Variants in SPAG9 observed in about 807,000 individuals in gnomAD.
SPAG9 encodes C-Jun-amino-terminal kinase-interacting protein 4.
Under a neutral mutation model 166.5 loss-of-function variants are expected in SPAG9, and 35 were observed. The observed-to-expected ratio is 0.21, with a 90% CI of 0.16 to 0.28. The LOEUF is 0.28. Among genes scored for constraint, SPAG9 ranks in the 10% least tolerant of loss-of-function variants. The pLI is 1.00. For synonymous variants in SPAG9, 534 were observed against 565.5 expected (o/e 0.94, Z 0.79); for missense variants, 1,235 against 1,603.3 (o/e 0.77, Z 3.92).
intron 1 of SPAG9, among the ~76,000 whole-genome samples, chr17:51,115,727 G>A (rs964605065): frequency 2.0e-5 from 3 of 152,028 alleles, no homozygotes; most frequent in African/African-American, 7.2e-5. Context: ...CTACTTGAGA[G>A]GCTGAGGCAG....
chr17:51,115,767 T>G (rs934070313), intron 1 of SPAG9, among the ~76,000 whole-genome samples: 1 of 151,636 alleles, frequency 6.6e-6, no homozygotes, highest in Non-Finnish European at 1.5e-5. Flanking sequence ...GAGGCGAAGG[T>G]TGCAGTGAGC....
intron 4 of SPAG9, among the ~76,000 whole-genome samples, chr17:51,044,098 A>G (rs2046937355): frequency 6.6e-6 from 1 of 152,184 alleles, no homozygotes; most frequent in African/African-American, 2.4e-5. Context: ...CTAGGTTACA[A>G]TGTTCCAACT....
In SPAG9 at chr17:51,037,857, G is replaced by A. The variant is rs145395952; in HGVS notation, c.741+3644C>T. On this transcript the variant is annotated intron_variant, in intron 5 of 29. Transcript: ENST00000262013. The stretch of plus-strand genomic sequence containing the variant: ...CTCAGACTACAAGCACGAGCCACCT[G>A]TCCAGCCTATAGCACTTTTATAATA... 2.0e-5 allele frequency among the ~76,000 whole-genome samples: 3 copies of A among 151,482 alleles called. No individual in the cohort carries two copies. The East Asian group carries it at 5.8e-4, about 29-fold the overall frequency.
chr17:51,040,779 AC>A (rs1344588651), intron 5 of SPAG9, among the ~76,000 whole-genome samples: 1 of 152,204 alleles, frequency 6.6e-6, no homozygotes, highest in Non-Finnish European at 1.5e-5. Flanking sequence ...GAAATAAGAT[AC>A]ATGTAACTCA....
intron 26 of SPAG9, among the ~76,000 whole-genome samples, chr17:50,979,454 G>A (rs1232846375): frequency 1.3e-5 from 2 of 150,706 alleles, no homozygotes; most frequent in Non-Finnish European, 2.9e-5. Context: ...CACTACTCCT[G>A]AGATAACTTA....
intron 8 of SPAG9, among the ~76,000 whole-genome samples, chr17:51,017,134 C>T (rs981545546): frequency 6.6e-6 from 1 of 152,076 alleles, no homozygotes; most frequent in African/African-American, 2.4e-5. Flanking sequence ...ACCAGGGTTC[C>T]GTATTTGATC....
intron 1 of SPAG9, among the ~76,000 whole-genome samples, chr17:51,090,395 C>T (rs1237220605): frequency 6.6e-6 from 1 of 152,122 alleles, no homozygotes; most frequent in Non-Finnish European, 1.5e-5. Context: ...GTGGCAGATG[C>T]CTGTAATCCC....
At chr17:50,986,937 C>A (rs1251329857) in intron 22 of SPAG9, among the ~76,000 whole-genome samples, 175 bp downstream of exon 22, 3 of 152,146 alleles carry the variant, frequency 2.0e-5, no homozygotes, top group Non-Finnish European at 4.4e-5. Flanking sequence ...TATTCAGAAC[C>A]AGTGCAAGTC....
At chr17:50,993,988 T>A in intron 18 of SPAG9, 53 bp from the exon 19 acceptor site, 1 of 1,479,768 alleles carries the variant, frequency 6.8e-7, no homozygotes, top group Non-Finnish European at 9.4e-7. Context: ...GTACAAATAT[T>A]CATAAGGTGG....
chr17:50,971,583 T>G (rs1367791866), intron 28 of SPAG9, among the ~76,000 whole-genome samples: 1 of 143,204 alleles, frequency 7.0e-6, no homozygotes, highest in African/African-American at 2.6e-5. Flanking sequence ...TTTACCTGCC[T>G]CAGCCTCCTG....
In SPAG9 at chr17:51,000,006, A is replaced by G. The variant is rs187836922; in HGVS notation, c.1608-289T>C. Among the ~76,000 whole-genome samples, 51 of 152,356 alleles carry G rather than the reference A, an allele frequency of 3.3e-4. No individual in the cohort carries two copies. The East Asian group carries it at 8.1e-3, about 24-fold the overall frequency. ...GCCAACATGCCTGAATGATATTTAAAATTTTTTATTGAAAAGATACCCTCT... is the reference window on the plus strand; with the variant it reads ...GCCAACATGCCTGAATGATATTTAAGATTTTTTATTGAAAAGATACCCTCT... On this transcript the variant is annotated intron_variant, in intron 13 of 29. Coordinates refer to ENST00000262013, the MANE Select transcript of SPAG9 (RefSeq NM_001130528.3).
At chr17:51,059,408 G>A (rs1478356932) in intron 2 of SPAG9, among the ~76,000 whole-genome samples, 1 of 151,986 alleles carries the variant, frequency 6.6e-6, no homozygotes, top group African/African-American at 2.4e-5. Flanking sequence ...TAACAAACAA[G>A]CTTTATTGCT....
chr17:51,106,507 C>A (rs910337095), intron 1 of SPAG9, among the ~76,000 whole-genome samples: 2 of 151,850 alleles, frequency 1.3e-5, no homozygotes, highest in African/African-American at 4.8e-5. Flanking sequence ...TAGAACAGTG[C>A]CTTGTTCTGC....
chr17:50,993,709 C>T, intron 19 of SPAG9, 55 bp downstream of exon 19: 1 of 1,558,838 alleles, frequency 6.4e-7, no homozygotes, highest in South Asian at 1.1e-5. Context: ...TACATCAGTG[C>T]CCAGCAGGTA....
At chr17:51,015,126 T>C (rs2045642944) in intron 8 of SPAG9, among the ~76,000 whole-genome samples, 1 of 152,062 alleles carries the variant, frequency 6.6e-6, no homozygotes, top group Admixed American at 6.6e-5. Context: ...CTATAGCAGA[T>C]GAAATGTGAA....
At chr17:51,044,964 G>A (rs2046968570) in intron 4 of SPAG9, among the ~76,000 whole-genome samples, 1 of 152,004 alleles carries the variant, frequency 6.6e-6, no homozygotes, top group Non-Finnish European at 1.5e-5. Context: ...TGCTAAAAAT[G>A]GACACATATA....
At chr17:51,083,449 C>T (rs2048222696) in intron 1 of SPAG9, among the ~76,000 whole-genome samples, 1 of 151,656 alleles carries the variant, frequency 6.6e-6, no homozygotes, top group South Asian at 2.1e-4. Context: ...GTTGGCCGGG[C>T]CAGTCTCGAA....
In SPAG9 at chr17:51,050,475, G is replaced by A. The variant is rs939390293; in HGVS notation, c.496-3006C>T. ...AGCTTTGGGGCCAGAACTCTGGCCT[G>A]CCTGACTCAGTCATCTGAGTTATTA... On this transcript the variant is annotated intron_variant, in intron 3 of 29. Transcript: ENST00000262013. 2.0e-5 allele frequency among the ~76,000 whole-genome samples: 3 copies of A among 152,198 alleles called. 1 individual carries two copies. Among genetic ancestry groups the A allele is most frequent in the African/African-American group, 7.2e-5 (3 of 41,440 alleles).
intron 15 of SPAG9, 143 bp downstream of exon 15, chr17:50,998,301 A>C: frequency 3.0e-6 from 2 of 677,432 alleles, no homozygotes; most frequent in Non-Finnish European, 2.4e-6. Flanking sequence ...AAGTGCTGGG[A>C]TTACAGGTGT....
Sources: gnomAD v4.1 joint callset for allele counts (sites outside exome capture counted in the v4.1 genomes callset) on GRCh38, gnomAD v4.1.1 for gene constraint, MANE v1.5 for transcripts, NCBI Gene and HGNC (gene_info 2026-07-23, HGNC 2026-07-21) for gene names.